The following MAML1 variants were observed in gnomAD, a reference collection of about 807,000 sequenced individuals.
The protein encoded by MAML1 is mastermind like transcriptional coactivator 1.
MAML1 carries 14 observed loss-of-function variants against 77.1 expected under a neutral mutation model. The ratio of observed to expected loss-of-function variants is 0.18; its 90% CI spans 0.12 to 0.28. The LOEUF (loss-of-function observed/expected upper bound fraction) is 0.28. Among genes scored for constraint, MAML1 ranks in the 10% least tolerant of loss-of-function variants. The pLI is 1.00. For synonymous variants in MAML1, 516 were observed against 551.9 expected (o/e 0.93, Z 0.91); for missense variants, 1,217 against 1,327.8 (o/e 0.92, Z 1.30).
At chr5:179,764,426 T>G (rs1779774756) in intron 1 of MAML1, among the ~76,000 whole-genome samples, 1 of 152,016 alleles carries the variant, frequency 6.6e-6, no homozygotes, top group Admixed American at 6.6e-5. Context: ...TTTGGGAGAC[T>G]GAGGTGGGCA....
intron 1 of MAML1, among the ~76,000 whole-genome samples, chr5:179,762,434 G>A (rs532812558): frequency 6.6e-6 from 1 of 152,202 alleles, no homozygotes; most frequent in South Asian, 2.1e-4. Context: ...ACTTAGGTCA[G>A]CGGGGTGTCT....
At chr5:179,749,474 T>C (rs1245578715) in intron 1 of MAML1, among the ~76,000 whole-genome samples, 1 of 152,156 alleles carries the variant, frequency 6.6e-6, no homozygotes, top group East Asian at 1.9e-4. Flanking sequence ...TTGGCCAGGC[T>C]GGTCTTGAAC....
chr5:179,756,521 G>T (rs1779623701), intron 1 of MAML1, among the ~76,000 whole-genome samples: 1 of 152,110 alleles, frequency 6.6e-6, no homozygotes, highest in Non-Finnish European at 1.5e-5. Context: ...GGGGCCCCAA[G>T]GGAATGGCAG....
At chr5:179,737,863 C>CCAAGGAAT (rs370398894) in intron 1 of MAML1, among the ~76,000 whole-genome samples, 4 of 152,218 alleles carry the variant, frequency 2.6e-5, no homozygotes, top group South Asian at 4.1e-4. Flanking sequence ...GTGGCGCGAT[C>CCAAGGAAT]GTGGGGCACT....
At position 179,755,596 on chromosome 5, in the gene MAML1, T is replaced by C. The variant is rs141398318; in HGVS notation, c.316-9730T>C. 5.9e-4 allele frequency among the ~76,000 whole-genome samples: 89 copies of C among 152,094 alleles called. No individual in the cohort carries two copies. The East Asian group carries it at 0.017, about 29-fold the overall frequency. On this transcript the variant is annotated intron_variant, in intron 1 of 4. Transcript: ENST00000292599. ...GAGAGAAAACACTGCAGAGTTGATG[T>C]TTGAGCTAAATGAAGCTTGTCCAGC...
At chr5:179,735,209 T>C (rs1188455086) in intron 1 of MAML1, among the ~76,000 whole-genome samples, 1 of 152,148 alleles carries the variant, frequency 6.6e-6, no homozygotes, top group East Asian at 1.9e-4. Context: ...CAGTATTTCA[T>C]AAATTTAAAG....
At position 179,771,618 on chromosome 5, in the gene MAML1, C is replaced by A. The variant is rs535362854; in HGVS notation, c.2068+375C>A. 6.6e-6 allele frequency among the ~76,000 whole-genome samples: 1 copy of A among 152,378 alleles called. No individual in the cohort carries two copies. The highest frequency in any genetic ancestry group is 2.1e-4 in the South Asian group (1 of 4,830). ...CTATCTTCCAGATAAGGACTTAATGCACTTGCGTGGCCTTTGGCTTCTTTC... is the reference window on the plus strand; with the variant it reads ...CTATCTTCCAGATAAGGACTTAATGAACTTGCGTGGCCTTTGGCTTCTTTC... On this transcript the variant is annotated intron_variant, in intron 4 of 4. Coordinates refer to ENST00000292599, the MANE Select transcript of MAML1 (RefSeq NM_014757.5). This position sits in a 1 kb window ranked among gnomAD's most constrained non-coding sequence, Gnocchi z 4.7.
rs564684600 is a variant in MAML1, at chr5:179,739,372, C to T, written c.315+5945C>T. Among the ~76,000 whole-genome samples, 13 of 91,020 alleles carry T rather than the reference C, an allele frequency of 1.4e-4. No individual in the cohort carries two copies. The South Asian group carries it at 1.5e-3, about 11-fold the overall frequency. 59.7% of individuals were successfully genotyped at this position (91,020 alleles called of 152,430 possible). ...ATCTCTCAAATAGAATAGAATAGAA[C>T]GGAACGGAACGGAATAGAATAGAAT... On this transcript the variant is annotated intron_variant, in intron 1 of 4. Transcript: ENST00000292599.
intron 1 of MAML1, among the ~76,000 whole-genome samples, chr5:179,752,048 C>A (rs1779498114): frequency 1.3e-5 from 2 of 151,646 alleles, no homozygotes; most frequent in South Asian, 2.1e-4. Context: ...ATAATATAGG[C>A]CCAGTGTGGT....
rs1025385742 is a variant in MAML1, at chr5:179,777,030, G to C, written c.*2153G>C. ...TATGAAAGATGGAATAAGCGCTAGA[G>C]CTTCCAACTGTATATTTTTTACTTT... On this transcript the variant is annotated 3_prime_UTR_variant, in exon 5 of 5. Coordinates refer to ENST00000292599, the MANE Select transcript of MAML1 (RefSeq NM_014757.5). 22 of 983,888 alleles carry C rather than the reference G, an allele frequency of 2.2e-5. No individual in the cohort carries two copies. Among genetic ancestry groups the C allele is most frequent in the Admixed American group, 6.2e-5 (1 of 16,254 alleles). The allele number at this position is 983,888 out of a possible 1,614,324, so 60.9% of individuals were successfully genotyped here.
intron 1 of MAML1, among the ~76,000 whole-genome samples, chr5:179,739,875 TC>T (rs1779246972): frequency 6.6e-6 from 1 of 151,940 alleles, no homozygotes. Flanking sequence ...TGGGCAGGGG[TC>T]TTAGAACCAA....
chr5:179,735,696 A>T lies in MAML1; in HGVS notation c.315+2269A>T, dbSNP rs545866551. Among the ~76,000 whole-genome samples, 674 of 111,186 alleles carry T rather than the reference A, an allele frequency of 6.1e-3. 2 individuals are homozygous for T. Among genetic ancestry groups the T allele is most frequent in the Non-Finnish European group, 8.7e-3 (465 of 53,392 alleles). 72.9% of individuals were successfully genotyped at this position (111,186 alleles called of 152,430 possible). ...GTGAGCCACTGCACCTAGCCTATTT[A>T]TTTTTTTTTGAGACAGCGTCTCGCC... On this transcript the variant is annotated intron_variant, in intron 1 of 4. Coordinates refer to ENST00000292599, the MANE Select transcript of MAML1 (RefSeq NM_014757.5).
rs146593514 is a variant in MAML1 at position 179,765,340 on chromosome 5, A to G, written c.330A>G (p.Thr110=). 11,335 of 1,596,726 alleles carry G rather than the reference A, an allele frequency of 7.1e-3. 52 individuals carry two copies. Among genetic ancestry groups the G allele is most frequent in the Non-Finnish European group, 9.0e-3 (10,507 of 1,173,288 alleles). ...ATGTTTTTCAGCATCTTCATGATAC[A>G]GTTAAGAGGAATCTTGACAGCGCCA... ...HGRPATHLHD[T]VKRNLDSATS... The change falls in exon 2 of 5, where the codon ACA becomes ACG. Residue 110 remains threonine, a synonymous_variant. Transcript: ENST00000292599.
chr5:179,774,008 G>T lies in MAML1; in HGVS notation c.2182G>T (p.Val728Phe). The T allele has an allele frequency of 6.2e-7, 1 of 1,614,208 alleles. No individual in the cohort carries two copies. The highest frequency in any genetic ancestry group is 1.1e-5 in the South Asian group (1 of 91,088). The change falls in exon 5 of 5, where the codon GTT (valine) becomes TTT (phenylalanine). Residue 728 changes from valine to phenylalanine, a missense_variant. Val to Phe is a conservative substitution (Grantham distance 50). This residue lies in a region of MAML1 where 884 missense variants were observed against 949.3 expected (regional missense o/e 0.93). Transcript: ENST00000292599. ...LMPMGPGHAS[V>F]SSLPTNSGQQ... is the part of the protein sequence containing the mutation. Reference sequence around the variant, plus strand: ...GCCAATGGGCCCTGGACATGCTTCAGTTTCCTCTCTCCCCACAAACTCAGG... The same window carrying T: ...GCCAATGGGCCCTGGACATGCTTCATTTTCCTCTCTCCCCACAAACTCAGG...
Position 179,769,094 on chromosome 5 carries a change from AAAG to A in MAML1, c.1971+8_1971+10del. On this transcript the variant is annotated splice_donor_region_variant and intron_variant, in intron 3 of 4. Transcript: ENST00000292599. The surrounding 1 kb of genome is among the most constrained non-coding windows in gnomAD (Gnocchi z 4.2). ...CAGCACCTTCTCGCGGAACAGGTAAAAAGAAAAGTGGAAGGAAACCACCGCTTC... is the reference window on the plus strand; with the variant it reads ...CAGCACCTTCTCGCGGAACAGGTAAAAAAAGTGGAAGGAAACCACCGCTTC... The A allele has an allele frequency of 6.2e-7, 1 of 1,613,612 alleles. No homozygotes were observed. The highest frequency in any genetic ancestry group is 8.5e-7 in the Non-Finnish European group (1 of 1,179,628).
intron 1 of MAML1, among the ~76,000 whole-genome samples, chr5:179,741,937 C>T (rs1057152477): frequency 1.3e-5 from 2 of 151,818 alleles, no homozygotes; most frequent in Admixed American, 6.6e-5. Flanking sequence ...CTCCGTCTGT[C>T]GCCAGGCTGG....
chr5:179,745,434 G>T (rs1027573372), intron 1 of MAML1, among the ~76,000 whole-genome samples: 1 of 151,928 alleles, frequency 6.6e-6, no homozygotes, highest in Non-Finnish European at 1.5e-5. Flanking sequence ...AAGTAATAAT[G>T]GCTGGGCGCG....
intron 1 of MAML1, among the ~76,000 whole-genome samples, chr5:179,765,086 G>T (rs1359596350): frequency 6.6e-6 from 1 of 151,830 alleles, no homozygotes; most frequent in East Asian, 1.9e-4. Flanking sequence ...GCTGTGGGCA[G>T]CCTCATGCCT....
At chr5:179,755,826 G>A (rs546200492) in intron 1 of MAML1, among the ~76,000 whole-genome samples, 4 of 150,232 alleles carry the variant, frequency 2.7e-5, no homozygotes, top group South Asian at 2.1e-4. Flanking sequence ...ATGCAATGGC[G>A]TGATCTCAGC....
Sources: gnomAD v4.1 joint callset for allele counts (sites outside exome capture counted in the v4.1 genomes callset) on GRCh38, gnomAD v4.1.1 for gene constraint, gnomAD v4.1.1 regional missense constraint, Gnocchi (gnomAD v3.1) non-coding constraint, MANE v1.5 for transcripts, NCBI Gene and HGNC (gene_info 2026-07-23, HGNC 2026-07-21) for gene names.